Variants in ABI3BP observed in about 807,000 individuals in gnomAD.
ABI3BP encodes target of Nesh-SH3.
A neutral mutation model predicts 268.6 loss-of-function variants in ABI3BP; 216 were observed. The ratio of observed to expected loss-of-function variants is 0.80; its 90% CI spans 0.72 to 0.90. ABI3BP has a LOEUF of 0.90. Among genes scored for constraint, ABI3BP ranks in the 40% least tolerant of loss-of-function variants. ABI3BP has a pLI of 0.00. For missense variants in ABI3BP, 2,090 were observed against 2,182.4 expected (o/e 0.96, Z 0.84); for synonymous variants, 730 against 730.0 (o/e 1.00, Z 0.00).
intron 1 of ABI3BP, among the ~76,000 whole-genome samples, chr3:100,990,991 GAAATT>G (rs1216235338): frequency 6.6e-6 from 1 of 152,174 alleles, no homozygotes; most frequent in Non-Finnish European, 1.5e-5. Context: ...ACTTATTTAT[GAAATT>G]AAATTTATTT....
chr3:100,985,444 T>C (rs1432072537), intron 1 of ABI3BP, among the ~76,000 whole-genome samples: 2 of 152,140 alleles, frequency 1.3e-5, no homozygotes, highest in East Asian at 1.9e-4. Flanking sequence ...CCACCATGCC[T>C]GGCCAGAAAA....
At chr3:100,751,012 A>AATTTACCCCCTTCTGCACTGC (rs1258869561) in intron 67 of ABI3BP, among the ~76,000 whole-genome samples, 1 of 152,180 alleles carries the variant, frequency 6.6e-6, no homozygotes, top group Non-Finnish European at 1.5e-5. Flanking sequence ...AGGAACAATT[A>AATTTACCCCCTTCTGCACTGC]ATTTACCCCC....
At chr3:100,840,200 G>C (rs1042802387) in intron 22 of ABI3BP, 36 bp from the exon 23 acceptor site, 14 of 1,443,330 alleles carry the variant, frequency 9.7e-6, no homozygotes, top group African/African-American at 4.3e-5. Flanking sequence ...ATACAAGAAG[G>C]GTGGATTTAC....
chr3:100,759,628 T>G (rs2095834436), intron 63 of ABI3BP, among the ~76,000 whole-genome samples: 2 of 152,156 alleles, frequency 1.3e-5, no homozygotes, highest in African/African-American at 4.8e-5. Context: ...TTCCACTCCC[T>G]TCCTAAATGC....
At chr3:100,795,761 G>T in intron 53 of ABI3BP, 43 bp downstream of exon 53, 1 of 1,254,872 alleles carries the variant, frequency 8.0e-7, no homozygotes, top group Non-Finnish European at 1.0e-6. Context: ...AATCTTGATG[G>T]TAGCAAAGAA....
chr3:100,844,167 C>T, intron 20 of ABI3BP: 1 of 985,348 alleles, frequency 1.0e-6, no homozygotes, highest in African/African-American at 1.7e-5. Context: ...CATCTCAGCA[C>T]AAAACAAAGA....
chr3:100,883,078 A>G (rs1298470819), intron 6 of ABI3BP, among the ~76,000 whole-genome samples: 1 of 152,152 alleles, frequency 6.6e-6, no homozygotes, highest in African/African-American at 2.4e-5. Context: ...CAATACATAA[A>G]TACACAGTAC....
At chr3:100,873,265 T>C (rs1044038976) in intron 9 of ABI3BP, among the ~76,000 whole-genome samples, 2 of 152,218 alleles carry the variant, frequency 1.3e-5, no homozygotes, top group African/African-American at 4.8e-5. Flanking sequence ...TTTTCAGGTT[T>C]TTTTAAAAAA....
rs1048058057 is a variant in ABI3BP, at chr3:100,864,027, C to T, written c.1113G>A (p.Gln371=). 4.6e-6 allele frequency: 7 copies of T among 1,535,738 alleles called. No individual in the cohort carries two copies. In the African/African-American group the frequency reaches 8.2e-5, roughly 18 times the overall value. The change falls in exon 12 of 68, where the codon CAG becomes CAA. Residue 371 remains glutamine (Q), a synonymous_variant. Transcript: ENST00000471714. ...PETLQTILIP[Q]FELPLSTLAP... ...CTAGAGTGCTCAGTGGCAATTCAAA[C>T]TGAGGTATTAGAATAGTTTGCAATG...
chr3:100,782,045 A>G (rs2096881199), intron 57 of ABI3BP, among the ~76,000 whole-genome samples: 1 of 152,208 alleles, frequency 6.6e-6, no homozygotes, highest in Non-Finnish European at 1.5e-5. Context: ...GCTATTCCTC[A>G]TAGTAACTCT....
chr3:100,989,982 C>T (rs2092661900), intron 1 of ABI3BP, among the ~76,000 whole-genome samples: 1 of 152,130 alleles, frequency 6.6e-6, no homozygotes, highest in African/African-American at 2.4e-5. Context: ...CTTACAAATC[C>T]CTGTGGAAAA....
rs151128029 is a variant in ABI3BP, at chr3:100,893,438, C to T, written c.461+5324G>A. ...CCTGTCCCTCTAGGAAACCCTAATA[C>T]AAATGGTTAAAGGGGCAAGAGGAAA... On this transcript the variant is annotated intron_variant, in intron 4 of 67. Coordinates refer to ENST00000471714, the MANE Select transcript of ABI3BP (RefSeq NM_001375547.2). 1.1e-4 allele frequency among the ~76,000 whole-genome samples: 17 copies of T among 151,982 alleles called. No homozygotes were observed. In the East Asian group the frequency reaches 3.3e-3, roughly 30 times the overall value.
chr3:100,978,169 C>G (rs1409859588), intron 1 of ABI3BP, among the ~76,000 whole-genome samples: 2 of 152,338 alleles, frequency 1.3e-5, no homozygotes, highest in Non-Finnish European at 2.9e-5. Flanking sequence ...GCAAGCTACA[C>G]ACACAATGTT....
At chr3:100,851,796 C>A in intron 15 of ABI3BP, 79 bp downstream of exon 15, 1 of 1,268,840 alleles carries the variant, frequency 7.9e-7, no homozygotes, top group South Asian at 1.4e-5. Flanking sequence ...CAATTTTCCA[C>A]TCTGCAAAAA....
intron 57 of ABI3BP, among the ~76,000 whole-genome samples, chr3:100,782,192 T>C (rs886785008): frequency 1.3e-5 from 2 of 152,178 alleles, no homozygotes; most frequent in Admixed American, 6.5e-5. Flanking sequence ...ACTCAGAAGG[T>C]AGTCCAAGGC....
chr3:100,787,262 G>A (rs1205534573), intron 57 of ABI3BP, among the ~76,000 whole-genome samples: 4 of 152,066 alleles, frequency 2.6e-5, no homozygotes, highest in South Asian at 4.1e-4. Flanking sequence ...AACCAGATGC[G>A]AATTGCTCTG....
intron 9 of ABI3BP, among the ~76,000 whole-genome samples, chr3:100,868,953 T>C (rs2099080490): frequency 6.6e-6 from 1 of 152,180 alleles, no homozygotes; most frequent in Admixed American, 6.5e-5. Flanking sequence ...TTCCTATTAT[T>C]TTCAACATGC....
chr3:100,772,738 T>G (rs2096585290), intron 61 of ABI3BP, among the ~76,000 whole-genome samples: 1 of 152,136 alleles, frequency 6.6e-6, no homozygotes, highest in Non-Finnish European at 1.5e-5. Context: ...AAGATTTAAA[T>G]GTACCAATAT....
intron 1 of ABI3BP, among the ~76,000 whole-genome samples, chr3:100,990,384 T>C (rs1313491857): frequency 1.3e-5 from 2 of 151,946 alleles, no homozygotes; most frequent in Non-Finnish European, 2.9e-5. Context: ...AAATAAATAA[T>C]TTGACAAAAC....
Sources: gnomAD v4.1 joint callset for allele counts (sites outside exome capture counted in the v4.1 genomes callset) on GRCh38, gnomAD v4.1.1 for gene constraint, MANE v1.5 for transcripts, NCBI Gene and HGNC (gene_info 2026-07-23, HGNC 2026-07-21) for gene names.